Variants in UBR3 observed in about 807,000 individuals in gnomAD.
UBR3 encodes E3 ubiquitin-protein ligase UBR3.
Under a neutral mutation model 243.2 loss-of-function variants are expected in UBR3, and 85 were observed. That is an observed-to-expected ratio of 0.35 (90% CI 0.29 to 0.42). The LOEUF is 0.42. UBR3 is among the 10% of genes least tolerant of loss of function. The pLI, the probability that UBR3 is intolerant of heterozygous loss-of-function variation, is 1.00. For missense variants in UBR3, 1,686 were observed against 2,300.8 expected (o/e 0.73, Z 5.47); for synonymous variants, 748 against 799.8 (o/e 0.94, Z 1.09).
intron 27 of UBR3, among the ~76,000 whole-genome samples, chr2:170,004,882 G>C (rs755024224): frequency 6.6e-6 from 1 of 151,916 alleles, no homozygotes; most frequent in Admixed American, 6.6e-5. Context: ...TTGCACTCCA[G>C]CCTGGGCAAC....
chr2:169,845,094 A>G (rs1173925895), intron 1 of UBR3, among the ~76,000 whole-genome samples: 3 of 152,030 alleles, frequency 2.0e-5, no homozygotes, highest in Non-Finnish European at 4.4e-5. Context: ...ATTTTCTGTG[A>G]TCTCCTCTTT....
At chr2:170,063,307 C>T (rs1453791286) in intron 35 of UBR3, among the ~76,000 whole-genome samples, 1 of 152,142 alleles carries the variant, frequency 6.6e-6, no homozygotes, top group Non-Finnish European at 1.5e-5. Flanking sequence ...AGGGCAGATG[C>T]ACAGGGGATG....
At chr2:169,830,571 CCAGA>C (rs2081900464) in intron 1 of UBR3, among the ~76,000 whole-genome samples, 1 of 152,054 alleles carries the variant, frequency 6.6e-6, no homozygotes, top group African/African-American at 2.4e-5. Flanking sequence ...GGCTCTGGAG[CCAGA>C]CTAATCAACC....
intron 19 of UBR3, among the ~76,000 whole-genome samples, chr2:169,934,357 T>C (rs1462776583): frequency 6.6e-6 from 1 of 152,242 alleles, no homozygotes; most frequent in African/African-American, 2.4e-5. Flanking sequence ...TCTTTTACTT[T>C]GTAGTTACTA....
At chr2:169,932,839 C>A (rs568713060) in intron 18 of UBR3, 73 bp from the exon 19 acceptor site, 3 of 1,242,084 alleles carry the variant, frequency 2.4e-6, no homozygotes, top group African/African-American at 1.5e-5. Flanking sequence ...ATATACTTAA[C>A]AAATGTAATA....
intron 6 of UBR3, among the ~76,000 whole-genome samples, chr2:169,891,884 A>G (rs1005095463): frequency 7.2e-5 from 11 of 152,200 alleles, no homozygotes; most frequent in Non-Finnish European, 1.5e-4. Context: ...CTTGACTGTC[A>G]CTAAAAGCTT....
chr2:170,019,421 C>T (rs1379775984), intron 30 of UBR3, among the ~76,000 whole-genome samples: 1 of 152,150 alleles, frequency 6.6e-6, no homozygotes, highest in Non-Finnish European at 1.5e-5. Flanking sequence ...CGGTGGCTCA[C>T]TCATGTGATC....
At chr2:170,078,025 C>G in intron 36 of UBR3, 1 of 685,660 alleles carries the variant, frequency 1.5e-6, no homozygotes, top group East Asian at 2.9e-5. Flanking sequence ...TTGTCCCTCT[C>G]TGTCCAGCAG....
At chr2:169,838,626 T>C (rs62173085) in intron 1 of UBR3, among the ~76,000 whole-genome samples, 7,608 of 152,254 alleles carry the variant, frequency 0.05, 228 homozygotes, top group Non-Finnish European at 0.076. Context: ...GTGAATTTTG[T>C]AGGGGACACA....
chr2:170,050,619 T>C (rs764542479), intron 32 of UBR3, among the ~76,000 whole-genome samples: 3 of 152,210 alleles, frequency 2.0e-5, no homozygotes, highest in Non-Finnish European at 2.9e-5. Flanking sequence ...TTTAAACACA[T>C]TGACTTAGAT....
At chr2:169,978,265 G>C (rs575700697) in intron 24 of UBR3, among the ~76,000 whole-genome samples, 1 of 152,134 alleles carries the variant, frequency 6.6e-6, no homozygotes, top group Non-Finnish European at 1.5e-5. Context: ...CAGTAGCAGC[G>C]CTGGGTTCCA....
chr2:169,952,684 A>C (rs1208126162), intron 23 of UBR3, among the ~76,000 whole-genome samples: 2 of 151,498 alleles, frequency 1.3e-5, no homozygotes, highest in African/African-American at 2.4e-5. Context: ...ACAGAATGAG[A>C]CTCCATCTCA....
intron 21 of UBR3, among the ~76,000 whole-genome samples, 197 bp downstream of exon 21, chr2:169,946,589 C>A (rs370157107): frequency 1.3e-5 from 2 of 151,844 alleles, no homozygotes; most frequent in African/African-American, 4.8e-5. Flanking sequence ...TAGAAAAGGC[C>A]CTTTGGGATC....
At chr2:169,991,905 C>T (rs1396234515) in intron 25 of UBR3, among the ~76,000 whole-genome samples, 1 of 151,940 alleles carries the variant, frequency 6.6e-6, no homozygotes, top group Non-Finnish European at 1.5e-5. Context: ...TCTTAAACAA[C>T]CAATGGGCCA....
chr2:169,858,666 C>G (rs1559029162), intron 1 of UBR3, among the ~76,000 whole-genome samples: 1 of 152,102 alleles, frequency 6.6e-6, no homozygotes, highest in Non-Finnish European at 1.5e-5. Context: ...ATGGGGTGAT[C>G]TCAGCTCACT....
intron 3 of UBR3, among the ~76,000 whole-genome samples, 155 bp downstream of exon 3, chr2:169,876,104 GA>G (rs1472773124): frequency 5.2e-5 from 7 of 135,002 alleles, no homozygotes; most frequent in Non-Finnish European, 1.1e-4. Flanking sequence ...TTTTTTTTGA[GA>G]CGGAGTCTAG....
chr2:170,039,424 A>T (rs2090911080), intron 31 of UBR3, among the ~76,000 whole-genome samples: 2 of 152,090 alleles, frequency 1.3e-5, no homozygotes. Context: ...GAGAGGCTAG[A>T]TAAACTTGAA....
chr2:169,863,346 C>G (rs2083152203), intron 1 of UBR3, among the ~76,000 whole-genome samples: 2 of 152,160 alleles, frequency 1.3e-5, no homozygotes, highest in Non-Finnish European at 1.5e-5. Context: ...CATACTTAAC[C>G]TTTTAGGCAA....
chr2:169,969,792 G>A (rs1301906842), intron 24 of UBR3, among the ~76,000 whole-genome samples: 6 of 132,556 alleles, frequency 4.5e-5, no homozygotes, highest in Admixed American at 1.4e-4. Context: ...CTCGTGATCC[G>A]CCCACCTCCG....
Sources: gnomAD v4.1 joint callset for allele counts (sites outside exome capture counted in the v4.1 genomes callset) on GRCh38, gnomAD v4.1.1 for gene constraint, MANE v1.5 for transcripts, NCBI Gene and HGNC (gene_info 2026-07-23, HGNC 2026-07-21) for gene names.